The following ABHD4 variants were observed in gnomAD, a reference collection of about 807,000 sequenced individuals.
ABHD4 encodes the protein abhydrolase domain containing 4, N-acyl phospholipase B.
Under a neutral mutation model 42.3 loss-of-function variants are expected in ABHD4, and 35 were observed. That is an observed-to-expected ratio of 0.83 (90% confidence interval 0.63 to 1.10). The LOEUF is 1.10. ABHD4 is among the 50% of genes least tolerant of loss of function. The pLI is 0.00. For synonymous variants in ABHD4, 169 were observed against 170.6 expected (o/e 0.99, Z 0.07); for missense variants, 389 against 454.8 (o/e 0.86, Z 1.32).
Position 22,603,683 on chromosome 14 carries a change from G to A in ABHD4, c.406G>A (p.Gly136Arg), listed in dbSNP as rs769075578. The A allele has an allele frequency of 6.2e-7, 1 of 1,612,456 alleles. No individual in the cohort carries two copies. Among genetic ancestry groups the A allele is most frequent in the South Asian group, 1.1e-5 (1 of 90,862 alleles). Residue 136 changes from glycine (G) to arginine (R), a missense_variant, in exon 3 of 7, where the codon GGG becomes AGG. This residue lies in a region of ABHD4 where 38 missense variants were observed against 72.1 expected (regional missense o/e 0.53). Transcript: ENST00000428304. ...TSIETWRETM[G>R]IPSMILLGHS... Reference sequence around the variant, plus strand: ...GATAGAGACATGGCGGGAGACCATGGGGATCCCCAGCATGATCCTCCTGGG... The same window carrying A: ...GATAGAGACATGGCGGGAGACCATGAGGATCCCCAGCATGATCCTCCTGGG...
At chr14:22,609,668 G>C in intron 5 of ABHD4, 56 bp from the exon 6 acceptor site, 2 of 1,569,962 alleles carry the variant, frequency 1.3e-6, no homozygotes, top group South Asian at 1.2e-5. Context: ...TCTCTGAAGA[G>C]ACCAACAAGT....
intron 5 of ABHD4, 39 bp downstream of exon 5, chr14:22,606,572 T>A: frequency 1.4e-6 from 2 of 1,415,798 alleles, no homozygotes. Context: ...GGCAGACAGT[T>A]GTTAGGAGAT....
chr14:22,606,312 C>T (rs1456379883), intron 4 of ABHD4, 110 bp from the exon 5 acceptor site: 13 of 736,772 alleles, frequency 1.8e-5, no homozygotes, highest in Non-Finnish European at 2.8e-5. Flanking sequence ...AGCAAACAAA[C>T]CCTTAGGAGA....
intron 5 of ABHD4, 63 bp downstream of exon 5, chr14:22,606,596 G>A: frequency 8.6e-7 from 1 of 1,158,154 alleles, no homozygotes; most frequent in East Asian, 2.4e-5. Flanking sequence ...ACTCTTAGCT[G>A]CTGGAGTTCT....
intron 1 of ABHD4, among the ~76,000 whole-genome samples, chr14:22,601,188 G>T: frequency 6.6e-6 from 1 of 152,178 alleles, no homozygotes; most frequent in Admixed American, 6.5e-5. Context: ...ACTTCTAGGG[G>T]CTTGGAAGAG....
At chr14:22,602,186 A>C (rs1031788550) in intron 2 of ABHD4, among the ~76,000 whole-genome samples, 1 of 151,726 alleles carries the variant, frequency 6.6e-6, no homozygotes, top group Admixed American at 6.6e-5. Flanking sequence ...CCTGTGTTCT[A>C]CCTGGTTTTG....
intron 1 of ABHD4, among the ~76,000 whole-genome samples, chr14:22,601,422 A>G (rs763993689): frequency 1.3e-5 from 2 of 152,220 alleles, no homozygotes; most frequent in Non-Finnish European, 2.9e-5. Flanking sequence ...TGTAAACTCT[A>G]AAGTATTATA....
At position 22,600,827 on chromosome 14, in the gene ABHD4, GGGGGGTGT is replaced by G. The variant is rs2037274172; in HGVS notation, c.24-838_24-831del. On this transcript the variant is annotated intron_variant, in intron 1 of 6. Transcript: ENST00000428304. ...ATAACACTATGATTCACGTCCAGCA[GGGGGGTGT>G]GTGTGTGTGTGTGTGTGTGTGTGTG... Among the ~76,000 whole-genome samples the G allele has an allele frequency of 1.2e-4, 12 of 99,372 alleles. No homozygotes were observed. In the South Asian group the frequency reaches 4.3e-3, roughly 36 times the overall value. 65.2% of individuals were successfully genotyped at this position (99,372 alleles called of 152,430 possible).
Position 22,611,549 on chromosome 14 carries a change from G to A in ABHD4, c.*601G>A, listed in dbSNP as rs1489845313. The A allele has an allele frequency of 6.5e-6, 1 of 154,058 alleles. No individual in the cohort carries two copies. The highest frequency in any genetic ancestry group is 2.4e-5 in the African/African-American group (1 of 41,488). The allele number at this position is 154,058 out of a possible 1,614,324, so 9.5% of individuals were successfully genotyped here. A position where few individuals can be genotyped will look rare whatever the true frequency, so the allele number is the denominator to read the frequency against. ...CCAAGGCAGGACATGGCTGGACCAT[G>A]GTGATACAGCTCTGTGTGATTCAAG... On this transcript the variant is annotated 3_prime_UTR_variant, in exon 7 of 7. Coordinates refer to ENST00000428304, the MANE Select transcript of ABHD4 (RefSeq NM_022060.3).
Position 22,603,925 on chromosome 14 carries a change from A to G in ABHD4, c.486A>G (p.Arg162=). The G allele has an allele frequency of 1.9e-6, 3 of 1,614,044 alleles. No homozygotes were observed. The South Asian group carries it at 3.3e-5, about 18-fold the overall frequency. Reference sequence around the variant, plus strand: ...TCTCCTCTTTCCGCCTTTAACATAGAGTTAAACACCTCATCCTGGTGGACC... The same window carrying G: ...TCTCCTCTTTCCGCCTTTAACATAGGGTTAAACACCTCATCCTGGTGGACC... The part of the protein sequence containing the change: ...ATSYSIKYPD[R]VKHLILVDPW... Residue 162 remains arginine, a splice_region_variant and synonymous_variant, in exon 4 of 7, where the codon AGA becomes AGG. Transcript: ENST00000428304.
At chr14:22,606,660 C>A (rs919486799) in intron 5 of ABHD4, 127 bp downstream of exon 5, 2 of 642,800 alleles carry the variant, frequency 3.1e-6, no homozygotes, top group Non-Finnish European at 5.5e-6. Context: ...AACACAGGCA[C>A]TAGCAAGCCT....
intron 6 of ABHD4, among the ~76,000 whole-genome samples, chr14:22,610,421 A>G (rs2037399744): frequency 6.6e-6 from 1 of 152,150 alleles, no homozygotes. Flanking sequence ...CTGCTACTCC[A>G]GCCCCCATGT....
rs200393007 is a variant in ABHD4, at chr14:22,606,439, C to T, written c.658C>T (p.Arg220Ter). Residue 220 changes from arginine (R) to a stop codon, truncating the protein, a stop_gained, in exon 5 of 7, where the codon CGA becomes TGA. Coordinates refer to ENST00000428304, the MANE Select transcript of ABHD4 (RefSeq NM_022060.3). LOFTEE classifies it high-confidence loss of function. ...AGPWGPGLVQ[R>*]FRPDFKRKFA... ...CCTCCCAGGGCCTGGTCTGGTGCAGCGATTCCGGCCGGACTTCAAACGCAA... is the reference window on the plus strand; with the variant it reads ...CCTCCCAGGGCCTGGTCTGGTGCAGTGATTCCGGCCGGACTTCAAACGCAA... The T allele has an allele frequency of 8.7e-6, 14 of 1,612,238 alleles. No individual in the cohort carries two copies. The Admixed American group carries it at 1.2e-4, about 13-fold the overall frequency.
intron 1 of ABHD4, chr14:22,600,228 T>C: frequency 2.2e-6 from 1 of 455,434 alleles, no homozygotes; most frequent in Non-Finnish European, 4.4e-6. Flanking sequence ...ACTCTGGCCT[T>C]CAGAGTTTAG....
chr14:22,605,937 G>T, intron 4 of ABHD4: 2 of 851,798 alleles, frequency 2.3e-6, no homozygotes, highest in Non-Finnish European at 3.4e-6. Flanking sequence ...AGACACGATT[G>T]TGTTTAGTTC....
At chr14:22,604,703 G>A (rs1029378038) in intron 4 of ABHD4, among the ~76,000 whole-genome samples, 5 of 151,884 alleles carry the variant, frequency 3.3e-5, no homozygotes, top group African/African-American at 9.7e-5. Context: ...TCCGCCTCCT[G>A]GGTTCAAGCC....
intron 4 of ABHD4, 63 bp from the exon 5 acceptor site, chr14:22,606,359 G>A (rs1433355458): frequency 1.9e-6 from 2 of 1,063,308 alleles, no homozygotes; most frequent in East Asian, 2.4e-5. Flanking sequence ...ACATACACAG[G>A]CAGGAGTCTT....
chr14:22,610,909 CA>C lies in ABHD4; in HGVS notation c.992del (p.Asn331MetfsTer44). ...TCTATGCTGACCAGCCACACATCTT[CA>C]ATGCTGTGGTGGAGGAGATCTGCGA... ...HVYADQPHIF[N>X]AVVEEICDSV... is the part of the protein sequence containing the mutation. On this transcript the variant is annotated frameshift_variant, in exon 7 of 7. Transcript: ENST00000428304. LOFTEE classifies it high-confidence loss of function. 6.2e-7 allele frequency: 1 copy of C among 1,614,118 alleles called. No individual in the cohort carries two copies. The highest frequency in any genetic ancestry group is 8.5e-7 in the Non-Finnish European group (1 of 1,180,012).
chr14:22,607,378 A>G (rs1421742180), intron 5 of ABHD4, among the ~76,000 whole-genome samples: 1 of 152,112 alleles, frequency 6.6e-6, no homozygotes, highest in Non-Finnish European at 1.5e-5. Flanking sequence ...AGCTGCTGGG[A>G]GGTATCTCAG....
Sources: allele counts gnomAD v4.1 joint callset (sites outside exome capture counted in the v4.1 genomes callset), GRCh38; gene constraint gnomAD v4.1.1; regional missense constraint gnomAD v4.1.1; transcripts MANE v1.5; gene names NCBI Gene and HGNC (gene_info 2026-07-23, HGNC 2026-07-21).